Variants in CNGB3 observed in about 807,000 individuals in gnomAD.
The protein encoded by CNGB3 is cyclic nucleotide gated channel subunit beta 3, also known as cyclic nucleotide-gated channel beta-3.
Under a neutral mutation model 92.8 loss-of-function variants are expected in CNGB3, and 86 were observed. The observed-to-expected ratio is 0.93, with a 90% CI of 0.78 to 1.11. The LOEUF is 1.11. Among genes scored for constraint, CNGB3 ranks in the 50% least tolerant of loss-of-function variants. The probability of loss-of-function intolerance (pLI) is 0.00; values close to 1 mark genes in which losing one functional copy is unlikely to be tolerated. For synonymous variants in CNGB3, 333 were observed against 332.7 expected, an observed-to-expected ratio of 1.00 and a Z score of -0.01; for missense variants, 1,026 against 956.8, an observed-to-expected ratio of 1.07 and a Z score of -0.95.
At chr8:86,717,088 A>G (rs188604821) in intron 3 of CNGB3, among the ~76,000 whole-genome samples, 2 of 152,320 alleles carry the variant, frequency 1.3e-5, no homozygotes, top group Admixed American at 1.3e-4. Context: ...CAGACAAAAC[A>G]AACTAAAGCA....
At chr8:86,702,987 G>A (rs992956101) in intron 3 of CNGB3, among the ~76,000 whole-genome samples, 2 of 151,846 alleles carry the variant, frequency 1.3e-5, no homozygotes, top group Non-Finnish European at 1.5e-5. Context: ...TTTAAAAATT[G>A]ATTTTACTTT....
intron 11 of CNGB3, among the ~76,000 whole-genome samples, chr8:86,631,651 A>C (rs1822963860): frequency 6.6e-6 from 1 of 152,146 alleles, no homozygotes; most frequent in Non-Finnish European, 1.5e-5. Flanking sequence ...TTCATTGTTA[A>C]TATAATCTCC....
intron 15 of CNGB3, among the ~76,000 whole-genome samples, chr8:86,592,574 A>G (rs956748425): frequency 4.6e-5 from 7 of 152,222 alleles, no homozygotes; most frequent in African/African-American, 1.7e-4. Context: ...ATGCAAACCA[A>G]TCAGGCAGCC....
At position 86,647,899 on chromosome 8, in the gene CNGB3, A is replaced by G. The variant is rs1369829748; in HGVS notation, c.904-12T>C. ...GATGCGACATCCAACTGTTGAAAGA[A>G]CACATTCACAAATATGTTGTGTTTA... On this transcript the variant is annotated splice_polypyrimidine_tract_variant and intron_variant, in intron 7 of 17. Transcript: ENST00000320005. The G allele has an allele frequency of 2.0e-6, 3 of 1,490,900 alleles. No individual in the cohort carries two copies. The highest frequency in any genetic ancestry group is 1.4e-5 in the African/African-American group (1 of 72,294). The allele number at this position is 1,490,900 out of a possible 1,614,324, so 92.4% of individuals were successfully genotyped here.
chr8:86,603,980 C>G, intron 15 of CNGB3, 113 bp downstream of exon 15: 1 of 759,118 alleles, frequency 1.3e-6, no homozygotes, highest in Admixed American at 1.9e-5. Context: ...TACGAATGCT[C>G]TCAGCACAAT....
chr8:86,583,520 G>GA (rs1206173128), intron 15 of CNGB3, among the ~76,000 whole-genome samples: 1 of 152,016 alleles, frequency 6.6e-6, no homozygotes, highest in Non-Finnish European at 1.5e-5. Context: ...GAGAAGGAAG[G>GA]AAAAAAGTGG....
intron 3 of CNGB3, among the ~76,000 whole-genome samples, chr8:86,721,211 C>T (rs1250855994): frequency 6.6e-6 from 1 of 152,008 alleles, no homozygotes; most frequent in Non-Finnish European, 1.5e-5. Context: ...AGTGATCCAC[C>T]CACCTTGGCC....
intron 8 of CNGB3, among the ~76,000 whole-genome samples, chr8:86,646,489 C>T (rs13260144): frequency 0.06 from 9,056 of 151,076 alleles, 309 homozygotes; most frequent in South Asian, 0.11. Context: ...CAGATTTTTC[C>T]GCCATGCTAA....
chr8:86,673,923 G>A (rs551155627), intron 3 of CNGB3, among the ~76,000 whole-genome samples: 1 of 152,258 alleles, frequency 6.6e-6, no homozygotes, highest in Admixed American at 6.5e-5. Context: ...CAGTGATTAT[G>A]GAATATTTGA....
intron 2 of CNGB3, among the ~76,000 whole-genome samples, chr8:86,733,212 G>C (rs559794905): frequency 2.0e-5 from 3 of 151,884 alleles, no homozygotes. Context: ...TCTATTTTTG[G>C]GTCAATTTGT....
intron 3 of CNGB3, among the ~76,000 whole-genome samples, chr8:86,672,254 A>C (rs1188763866): frequency 1.3e-5 from 2 of 152,100 alleles, no homozygotes; most frequent in African/African-American, 2.4e-5. Context: ...GCATGCCACC[A>C]CGCCTAGCTA....
In CNGB3 at chr8:86,628,972, T is replaced by C. The variant is rs763743295; in HGVS notation, c.1427A>G (p.Gln476Arg). 1 of 1,614,030 alleles carries C rather than the reference T, an allele frequency of 6.2e-7. No homozygotes were observed. The stretch of plus-strand genomic sequence containing the variant: ...TTCATACCAAGTCCGAACTCGCTTT[T>C]GCACAAGTTTAGGAATGGAGTAATT... ...MNNYSIPKLV[Q>R]KRVRTWYEYT... Residue 476 changes from glutamine to arginine, a missense_variant, in exon 12 of 18, where the codon CAA becomes CGA. Physicochemically the swap from Gln to Arg is conservative, Grantham distance 43. Coordinates refer to ENST00000320005, the MANE Select transcript of CNGB3 (RefSeq NM_019098.5).
chr8:86,694,057 C>A (rs1344583840), intron 3 of CNGB3, among the ~76,000 whole-genome samples: 1 of 97,440 alleles, frequency 1.0e-5, no homozygotes, highest in African/African-American at 4.3e-5. Context: ...CCGGACGGGG[C>A]GGCTGGCCGG....
intron 4 of CNGB3, among the ~76,000 whole-genome samples, chr8:86,669,445 T>G (rs1009332979): frequency 1.3e-5 from 2 of 152,216 alleles, no homozygotes; most frequent in African/African-American, 4.8e-5. Flanking sequence ...ATAGAGTATT[T>G]TAAATACAAG....
At chr8:86,631,931 A>G (rs957274551) in intron 11 of CNGB3, among the ~76,000 whole-genome samples, 11 of 152,118 alleles carry the variant, frequency 7.2e-5, no homozygotes, top group African/African-American at 2.7e-4. Flanking sequence ...ATCTCCTGAG[A>G]GTGTGTCTTC....
intron 6 of CNGB3, chr8:86,657,591 G>T (rs774171699): frequency 1.9e-5 from 8 of 419,382 alleles, no homozygotes; most frequent in Admixed American, 9.2e-5. Flanking sequence ...ATCTTGCAAA[G>T]ATCACCCTGT....
At chr8:86,702,231 T>C (rs1824570622) in intron 3 of CNGB3, among the ~76,000 whole-genome samples, 2 of 152,358 alleles carry the variant, frequency 1.3e-5, no homozygotes, top group Middle Eastern at 3.4e-3. Flanking sequence ...AATCTTGTTA[T>C]CATTTTTGAG....
intron 13 of CNGB3, among the ~76,000 whole-genome samples, chr8:86,614,765 G>A (rs564833089): frequency 6.6e-5 from 10 of 152,272 alleles, no homozygotes; most frequent in African/African-American, 2.2e-4. Flanking sequence ...CGACCACCTA[G>A]GCATGAGGTT....
chr8:86,703,812 A>G (rs1229658080), intron 3 of CNGB3: 2 of 152,198 alleles, frequency 1.3e-5, no homozygotes, highest in African/African-American at 4.8e-5. Context: ...ACAAAGAATC[A>G]GTATGGTGTT....
Sources: allele counts gnomAD v4.1 joint callset (sites outside exome capture counted in the v4.1 genomes callset), GRCh38; gene constraint gnomAD v4.1.1; transcripts MANE v1.5; gene names NCBI Gene and HGNC (gene_info 2026-07-23, HGNC 2026-07-21).